Variants in CEACAM6 observed in about 807,000 individuals in gnomAD.
CEACAM6 encodes CEA cell adhesion molecule 6.
CEACAM6 carries 21 observed loss-of-function variants against 32.4 expected under a neutral mutation model. The observed-to-expected ratio is 0.65, with a 90% confidence interval of 0.46 to 0.93. The LOEUF is 0.93. Among genes scored for constraint, CEACAM6 ranks in the 40% least tolerant of loss-of-function variants. The pLI, the probability that CEACAM6 is intolerant of heterozygous loss-of-function variation, is 0.00. For synonymous variants in CEACAM6, 184 were observed against 174.4 expected, an observed-to-expected ratio of 1.06 and a Z score of -0.43; for missense variants, 406 against 432.2, an observed-to-expected ratio of 0.94 and a Z score of 0.54.
chr19:41,759,660 A>G (rs1415964764), intron 2 of CEACAM6, among the ~76,000 whole-genome samples: 2 of 152,234 alleles, frequency 1.3e-5, no homozygotes, highest in African/African-American at 2.4e-5. Flanking sequence ...AAACCTTAGT[A>G]TGTTATCAAG....
At chr19:41,763,674 G>A (rs782776750) in intron 4 of CEACAM6, among the ~76,000 whole-genome samples, 37 of 152,300 alleles carry the variant, frequency 2.4e-4, no homozygotes, top group Middle Eastern at 3.4e-3. Context: ...CACCTGCCCT[G>A]GGCTCTTAAG....
At chr19:41,764,527 C>CA (rs527251127) in intron 4 of CEACAM6, among the ~76,000 whole-genome samples, 18 of 152,260 alleles carry the variant, frequency 1.2e-4, no homozygotes, top group African/African-American at 3.9e-4. Context: ...TGGCCTCAAG[C>CA]AACCCTCATC....
intron 4 of CEACAM6, among the ~76,000 whole-genome samples, chr19:41,765,662 G>A (rs117875851): frequency 2.0e-5 from 3 of 152,168 alleles, no homozygotes; most frequent in Admixed American, 1.3e-4. Context: ...CCCCAAGACC[G>A]ATGGGGAGTC....
chr19:41,758,312 C>T (rs2072901670), intron 2 of CEACAM6, among the ~76,000 whole-genome samples: 1 of 152,030 alleles, frequency 6.6e-6, no homozygotes, highest in Non-Finnish European at 1.5e-5. Context: ...AGCACAGGCC[C>T]AAAGTGAGAC....
At chr19:41,761,071 C>T (rs1555821750) in intron 2 of CEACAM6, among the ~76,000 whole-genome samples, 178 bp from the exon 3 acceptor site, 2 of 152,230 alleles carry the variant, frequency 1.3e-5, no homozygotes, top group African/African-American at 4.8e-5. Context: ...AGCAGGTGAT[C>T]TCACACAATC....
chr19:41,764,711 T>C lies in CEACAM6; in HGVS notation c.959-1472T>C, dbSNP rs2072947033. On this transcript the variant is annotated intron_variant, in intron 4 of 5. Coordinates refer to ENST00000199764, the MANE Select transcript of CEACAM6 (RefSeq NM_002483.7). Reference sequence around the variant, plus strand: ...CTTTTGGTTTCATTGACTCCCTTTATTGTTTTTATAGCCTCCATTTTATTT... The same window carrying C: ...CTTTTGGTTTCATTGACTCCCTTTACTGTTTTTATAGCCTCCATTTTATTT... Among the ~76,000 whole-genome samples, 3 of 152,366 alleles carry C rather than the reference T, an allele frequency of 2.0e-5. No individual in the cohort carries two copies. The South Asian group carries it at 6.2e-4, about 32-fold the overall frequency.
chr19:41,758,493 AC>A (rs573688621), intron 2 of CEACAM6, among the ~76,000 whole-genome samples: 226 of 152,108 alleles, frequency 1.5e-3, no homozygotes, highest in African/African-American at 5.0e-3. Context: ...ATCCCTCTGA[AC>A]CCCTGTCCCT....
rs1357739715 is a variant in CEACAM6, at chr19:41,755,710, G to A, written c.64+8G>A. 2 of 1,600,734 alleles carry A rather than the reference G, an allele frequency of 1.2e-6. No homozygotes were observed. The highest frequency in any genetic ancestry group is 1.8e-5 in the Admixed American group (1 of 56,876). ...AGGAGGTCCTGCTCACAGGTGAGGG[G>A]AGGACTCCCTCGGAGTGGATGGGAG... On this transcript the variant is annotated splice_region_variant and intron_variant, in intron 1 of 5. Transcript: ENST00000199764.
At chr19:41,761,555 C>T (rs2072924593) in intron 3 of CEACAM6, 28 bp downstream of exon 3, 1 of 1,609,858 alleles carries the variant, frequency 6.2e-7, no homozygotes, top group East Asian at 2.2e-5. Context: ...CTCTGTGGCC[C>T]AGGCTGCCAG....
In CEACAM6 at chr19:41,759,356, G is replaced by A. The variant is rs551753010; in HGVS notation, c.425-1893G>A. Among the ~76,000 whole-genome samples, 8 of 152,346 alleles carry A rather than the reference G, an allele frequency of 5.3e-5. No individual in the cohort carries two copies. In the South Asian group the frequency reaches 6.2e-4, roughly 12 times the overall value. The stretch of plus-strand genomic sequence containing the variant: ...GTGTTTTCTCAGGTTAACAGGAGAG[G>A]AAGAAAGCATTTCACATGACTGTTT... On this transcript the variant is annotated intron_variant, in intron 2 of 5. Coordinates refer to ENST00000199764, the MANE Select transcript of CEACAM6 (RefSeq NM_002483.7).
chr19:41,761,829 G>A (rs2072926450), intron 3 of CEACAM6, 140 bp from the exon 4 acceptor site: 3 of 1,134,030 alleles, frequency 2.6e-6, no homozygotes, highest in Non-Finnish European at 3.8e-6. Flanking sequence ...TCAGACTTTG[G>A]CTCAGGGGAC....
At chr19:41,761,556 A>G (rs372688720) in intron 3 of CEACAM6, 29 bp downstream of exon 3, 3 of 1,609,920 alleles carry the variant, frequency 1.9e-6, no homozygotes, top group Middle Eastern at 3.3e-4. Context: ...TCTGTGGCCC[A>G]GGCTGCCAGC....
At chr19:41,762,344 T>C in intron 4 of CEACAM6, 121 bp downstream of exon 4, 1 of 1,158,182 alleles carries the variant, frequency 8.6e-7, no homozygotes, top group Non-Finnish European at 1.2e-6. Flanking sequence ...AATCCCAAAT[T>C]CTCCCCTGAA....
chr19:41,761,879 G>T, intron 3 of CEACAM6, 90 bp from the exon 4 acceptor site: 1 of 1,504,128 alleles, frequency 6.6e-7, no homozygotes, highest in East Asian at 2.3e-5. Flanking sequence ...TTGTGACATG[G>T]CTCAGGGGGA....
rs531468377 is a variant in CEACAM6, at chr19:41,760,445, G to A, written c.425-804G>A. ...GCTGTGCATTTGCAAACATCCACAT[G>A]TGTTTATGGAGAGAGCCACAGGGTC... is the stretch of plus-strand genomic sequence containing the variant. On this transcript the variant is annotated intron_variant, in intron 2 of 5. Transcript: ENST00000199764. Among the ~76,000 whole-genome samples, 4 of 152,274 alleles carry A rather than the reference G, an allele frequency of 2.6e-5. No individual in the cohort carries two copies. In the East Asian group the frequency reaches 5.8e-4, roughly 22 times the overall value.
At chr19:41,761,099 G>T in intron 2 of CEACAM6, 150 bp from the exon 3 acceptor site, 1 of 1,440,280 alleles carries the variant, frequency 6.9e-7, no homozygotes, top group Non-Finnish European at 9.4e-7. Context: ...TCAAATCATC[G>T]TGCATCTGTT....
In CEACAM6 at chr19:41,757,022, G is replaced by C. The variant is rs570246433; in HGVS notation, c.424+63G>C. The C allele has an allele frequency of 7.7e-6, 12 of 1,554,730 alleles. No individual in the cohort carries two copies. In the South Asian group the frequency reaches 1.4e-4, roughly 18 times the overall value. ...AGTTCTACTTCCCACATACGGGATT[G>C]TCAGGCCTGGGTTGTGCCTGTGGCC... On this transcript the variant is annotated intron_variant, in intron 2 of 5. Coordinates refer to ENST00000199764, the MANE Select transcript of CEACAM6 (RefSeq NM_002483.7).
chr19:41,765,636 G>A (rs1555822324), intron 4 of CEACAM6, among the ~76,000 whole-genome samples: 1 of 152,214 alleles, frequency 6.6e-6, no homozygotes, highest in African/African-American at 2.4e-5. Flanking sequence ...TTACATAGCA[G>A]TGCAGTTCTG....
At chr19:41,756,423 G>T (rs2072885202) in intron 1 of CEACAM6, among the ~76,000 whole-genome samples, 177 bp from the exon 2 acceptor site, 1 of 149,278 alleles carries the variant, frequency 6.7e-6, no homozygotes, top group African/African-American at 2.5e-5. Context: ...AAGGAATGGG[G>T]GTGTCACACT....
Sources: gnomAD v4.1 joint callset for allele counts (sites outside exome capture counted in the v4.1 genomes callset) on GRCh38, gnomAD v4.1.1 for gene constraint, MANE v1.5 for transcripts, NCBI Gene and HGNC (gene_info 2026-07-23, HGNC 2026-07-21) for gene names.